Variants in MYO18B observed in about 807,000 individuals in gnomAD.
The protein encoded by MYO18B is unconventional myosin-XVIIIb.
Under a neutral mutation model 273.0 loss-of-function variants are expected in MYO18B, and 204 were observed. The observed-to-expected ratio is 0.75, with a 90% CI of 0.67 to 0.84. The LOEUF is 0.84. Among genes scored for constraint, MYO18B ranks in the 40% least tolerant of loss-of-function variants. MYO18B has a pLI of 0.00. For synonymous variants in MYO18B, 1,330 were observed against 1,305.7 expected (o/e 1.02, Z -0.40); for missense variants, 3,212 against 3,287.6 (o/e 0.98, Z 0.56).
intron 41 of MYO18B, 98 bp from the exon 42 acceptor site, chr22:26,004,620 C>T (rs1296448325): frequency 3.5e-6 from 5 of 1,446,852 alleles, no homozygotes; most frequent in Non-Finnish European, 4.7e-6. Context: ...AGGTATATCA[C>T]TTAGCACAAT....
intron 10 of MYO18B, 69 bp downstream of exon 10, chr22:25,781,903 C>A: frequency 9.0e-7 from 1 of 1,114,664 alleles, no homozygotes; most frequent in Non-Finnish European, 1.2e-6. Context: ...TTTGGGGGCC[C>A]AGCCTTAGCT....
chr22:26,049,551 G>C, the MYO18B span, among the ~76,000 whole-genome samples: 2 of 152,184 alleles, frequency 1.3e-5, no homozygotes, highest in African/African-American at 4.8e-5. Flanking sequence ...AGAGGTGATG[G>C]TTATTTTGCA....
chr22:25,891,499 G>C (rs2091661124), intron 27 of MYO18B, 87 bp downstream of exon 27: 1 of 857,850 alleles, frequency 1.2e-6, no homozygotes, highest in Non-Finnish European at 1.9e-6. Context: ...GCACTTTTTA[G>C]GTGCTAGATA....
At chr22:25,989,180 A>G (rs1311609448) in intron 39 of MYO18B, among the ~76,000 whole-genome samples, 1 of 152,094 alleles carries the variant, frequency 6.6e-6, no homozygotes, top group Non-Finnish European at 1.5e-5. Flanking sequence ...CCCTTTTCTC[A>G]TGTCTCAGCA....
chr22:26,042,688 C>T, the MYO18B span, among the ~76,000 whole-genome samples: 1 of 152,202 alleles, frequency 6.6e-6, no homozygotes, highest in African/African-American at 2.4e-5. Flanking sequence ...GCCAGAAATT[C>T]ATTTCACTCC....
At chr22:25,993,777 G>A (rs558348116) in intron 40 of MYO18B, among the ~76,000 whole-genome samples, 2 of 152,262 alleles carry the variant, frequency 1.3e-5, no homozygotes, top group Admixed American at 6.5e-5. Context: ...ATCAGCTCTG[G>A]TTTAGCCAGA....
intron 3 of MYO18B, among the ~76,000 whole-genome samples, chr22:25,767,891 G>T (rs1303585651): frequency 6.6e-6 from 1 of 152,210 alleles, no homozygotes; most frequent in Non-Finnish European, 1.5e-5. Context: ...GTTCTGTTGG[G>T]CTCCAAAGTC....
At chr22:26,018,323 G>A (rs940772320) in intron 42 of MYO18B, among the ~76,000 whole-genome samples, 1 of 152,136 alleles carries the variant, frequency 6.6e-6, no homozygotes, top group Non-Finnish European at 1.5e-5. Context: ...CATGTCAGGA[G>A]TGGCCAGGCA....
chr22:26,054,079 G>A, the MYO18B span, among the ~76,000 whole-genome samples: 4 of 152,124 alleles, frequency 2.6e-5, no homozygotes, highest in Non-Finnish European at 4.4e-5. Context: ...ATGTGGAGGC[G>A]GAGAAAAAGA....
chr22:25,945,677 G>T (rs1468404417), intron 34 of MYO18B, among the ~76,000 whole-genome samples: 1 of 147,186 alleles, frequency 6.8e-6, no homozygotes, highest in East Asian at 2.0e-4. Flanking sequence ...CTCATGAGGA[G>T]GCCTCTCCTC....
In MYO18B at chr22:25,874,087, C is replaced by A. The variant is rs148132385; in HGVS notation, c.3952-199C>A. On this transcript the variant is annotated intron_variant, in intron 22 of 43. Coordinates refer to ENST00000335473, the MANE Select transcript of MYO18B (RefSeq NM_032608.7). ...CGTGGGCCACACTGAGTATCCAGGG[C>A]CTAGGGGAAGGGAGAGAGGAGCCAT... Among the ~76,000 whole-genome samples, 9 of 152,256 alleles carry A rather than the reference C, an allele frequency of 5.9e-5. No individual in the cohort carries two copies. In the East Asian group the frequency reaches 1.7e-3, roughly 29 times the overall value.
At position 25,891,400 on chromosome 22, in the gene MYO18B, C is replaced by G. The variant is rs2091658081; in HGVS notation, c.4531C>G (p.Pro1511Ala). The change falls in exon 27 of 44, where the codon CCC (proline) becomes GCC (alanine). Residue 1511 changes from proline to alanine, a missense_variant. By Grantham distance (27) the Pro-to-Ala change is conservative. Coordinates refer to ENST00000335473, the MANE Select transcript of MYO18B (RefSeq NM_032608.7). ...TCAGTTGAATGACTTGGAAAGGAAT[C>G]CCACTGGAGGAGGTGAGCAGCCTGG... ...KIQLNDLERNPTGGADEWQMR... is the reference protein window; with the variant it reads ...KIQLNDLERNATGGADEWQMR... 6.3e-7 allele frequency: 1 copy of G among 1,577,190 alleles called. No homozygotes were observed. Among genetic ancestry groups the G allele is most frequent in the Non-Finnish European group, 8.6e-7 (1 of 1,160,106 alleles).
Position 25,761,060 on chromosome 22 carries a change from CTCA to C in MYO18B, c.-27_-25del, listed in dbSNP as rs1185850243. ...TGTCTGGCAGGAAGCTCCATCTCAT[CTCA>C]TCATCTCACGGCCCTGGCACTGCCT... On this transcript the variant is annotated 5_prime_UTR_variant, in exon 2 of 44. Transcript: ENST00000335473. 7 of 1,612,608 alleles carry C rather than the reference CTCA, an allele frequency of 4.3e-6. No individual in the cohort carries two copies. The highest frequency in any genetic ancestry group is 5.1e-6 in the Non-Finnish European group (6 of 1,179,526).
intron 29 of MYO18B, chr22:25,899,615 T>A (rs1404223120): frequency 6.6e-6 from 1 of 152,226 alleles, no homozygotes; most frequent in Admixed American, 6.5e-5. Context: ...ATTGTTAGCG[T>A]GCTCTGCATC....
chr22:25,816,817 G>A (rs1355905597), intron 12 of MYO18B, among the ~76,000 whole-genome samples: 2 of 152,170 alleles, frequency 1.3e-5, no homozygotes, highest in East Asian at 1.9e-4. Flanking sequence ...TTTTCCTGTA[G>A]CAGCTACAGC....
intron 15 of MYO18B, among the ~76,000 whole-genome samples, chr22:25,832,573 T>C (rs6004788): frequency 0.57 from 86,044 of 151,946 alleles, 24,907 homozygotes; most frequent in Non-Finnish European, 0.62. Flanking sequence ...TTAGAAAAGT[T>C]GAGATCAGAG....
Position 25,772,325 on chromosome 22 carries a change from G to T in MYO18B, c.1693-9G>T, listed in dbSNP as rs1225605517. On this transcript the variant is annotated splice_polypyrimidine_tract_variant and intron_variant, in intron 6 of 43. Coordinates refer to ENST00000335473, the MANE Select transcript of MYO18B (RefSeq NM_032608.7). The stretch of plus-strand genomic sequence containing the variant: ...AGGCCAGAGGAGACTCTGTGTGATG[G>T]TTTCACAGGCCAACCCTCCTGAGCT... 4.3e-6 allele frequency: 7 copies of T among 1,611,776 alleles called. No individual in the cohort carries two copies. Among genetic ancestry groups the T allele is most frequent in the African/African-American group, 2.7e-5 (2 of 74,994 alleles).
At chr22:26,054,875 A>G in the MYO18B span, among the ~76,000 whole-genome samples, 1 of 152,276 alleles carries the variant, frequency 6.6e-6, no homozygotes, top group African/African-American at 2.4e-5. Flanking sequence ...TCTGCGAAAC[A>G]TAGGGTGATG....
Position 25,891,300 on chromosome 22 carries a change from C to A in MYO18B, c.4435-4C>A. 6.4e-7 allele frequency: 1 copy of A among 1,558,636 alleles called. No individual in the cohort carries two copies. Among genetic ancestry groups the A allele is most frequent in the Non-Finnish European group, 8.7e-7 (1 of 1,149,248 alleles). On this transcript the variant is annotated splice_region_variant and splice_polypyrimidine_tract_variant and intron_variant, in intron 26 of 43. Coordinates refer to ENST00000335473, the MANE Select transcript of MYO18B (RefSeq NM_032608.7). ...TAGTTTAGACCTTGAGCCCTTTCTT[C>A]TAGAGCAAGCATGAACAAGTCCAGA...
Sources: gnomAD v4.1 joint callset for allele counts (sites outside exome capture counted in the v4.1 genomes callset) on GRCh38, gnomAD v4.1.1 for gene constraint, MANE v1.5 for transcripts, NCBI Gene and HGNC (gene_info 2026-07-23, HGNC 2026-07-21) for gene names.